Variants in NEMP2 observed in about 807,000 individuals in gnomAD.
NEMP2 encodes the protein UPF0571 transmembrane protein.
A neutral mutation model predicts 54.2 loss-of-function variants in NEMP2; 53 were observed. The observed-to-expected ratio is 0.98, with a 90% CI of 0.78 to 1.23. The LOEUF is 1.23. Ranked by LOEUF, NEMP2 falls within the 50% of genes most tolerant of loss-of-function variation. The pLI is 0.00. For synonymous variants in NEMP2, 197 were observed against 190.3 expected (o/e 1.04, Z -0.29); for missense variants, 455 against 511.3 (o/e 0.89, Z 1.06).
chr2:190,473,475 A>C, the NEMP2 span, among the ~76,000 whole-genome samples: 1 of 152,228 alleles, frequency 6.6e-6, no homozygotes, highest in South Asian at 2.1e-4. Flanking sequence ...GAGACAAAGA[A>C]GGCCATTACA....
At chr2:190,459,725 A>G in the NEMP2 span, among the ~76,000 whole-genome samples, 1 of 152,230 alleles carries the variant, frequency 6.6e-6, no homozygotes, top group Non-Finnish European at 1.5e-5. This position sits in a 1 kb window ranked among gnomAD's most constrained non-coding sequence, Gnocchi z 5.3. Context: ...TGGTGACCAT[A>G]GTTACACTCT....
Position 190,523,494 on chromosome 2 carries a change from G to A in NEMP2, c.213+1769C>T, listed in dbSNP as rs114876924. 0.017 allele frequency among the ~76,000 whole-genome samples: 2,518 copies of A among 152,212 alleles called. 71 individuals are homozygous for A. The highest frequency in any genetic ancestry group is 0.057 in the African/African-American group (2,366 of 41,522). On this transcript the variant is annotated intron_variant, in intron 2 of 8. Transcript: ENST00000409150. The surrounding 1 kb of genome is among the most constrained non-coding windows in gnomAD (Gnocchi z 5.3). ...TGGTATTGGAGATCTCAGAACTCAC[G>A]GTTTCTAATAGGTAGATATAGATGT...
chr2:190,432,420 GTTTTTGTTTT>G, the NEMP2 span, among the ~76,000 whole-genome samples: 2 of 152,062 alleles, frequency 1.3e-5, no homozygotes, highest in African/African-American at 4.8e-5. Flanking sequence ...TTTCTTGTTT[GTTTTTGTTTT>G]TTGAGACAGA....
chr2:190,553,999 G>A, the NEMP2 span, among the ~76,000 whole-genome samples: 3 of 152,196 alleles, frequency 2.0e-5, no homozygotes, highest in Non-Finnish European at 2.9e-5. Context: ...GGCAGTGGGT[G>A]CAGCCCAAGG....
the NEMP2 span, among the ~76,000 whole-genome samples, chr2:190,613,169 C>A: frequency 1.3e-5 from 2 of 152,096 alleles, no homozygotes; most frequent in Admixed American, 1.3e-4. Context: ...TATTCTTATT[C>A]ATTAACTAAG....
the NEMP2 span, among the ~76,000 whole-genome samples, chr2:190,647,061 T>C: frequency 1.3e-5 from 2 of 152,220 alleles, no homozygotes; most frequent in East Asian, 3.9e-4. Context: ...GTCTTTAACA[T>C]GACCATCTAA....
chr2:190,648,525 T>TTG, the NEMP2 span: 1 of 147,740 alleles, frequency 6.8e-6, no homozygotes, highest in Non-Finnish European at 1.5e-5. Context: ...TGTTTTTTTT[T>TTG]TTTTTTTTTT....
chr2:190,637,783 C>T, the NEMP2 span, among the ~76,000 whole-genome samples: 9 of 152,302 alleles, frequency 5.9e-5, no homozygotes, highest in Non-Finnish European at 8.8e-5. This position sits in a 1 kb window ranked among gnomAD's most constrained non-coding sequence, Gnocchi z 4.5. Flanking sequence ...ATGTGTATTC[C>T]GCTTTCTAGA....
the NEMP2 span, among the ~76,000 whole-genome samples, chr2:190,432,268 CTG>C: frequency 4.6e-5 from 7 of 152,214 alleles, no homozygotes; most frequent in Non-Finnish European, 8.8e-5. Flanking sequence ...TTGCCAGCCT[CTG>C]GGAACCTCCT....
chr2:190,584,931 GA>G, the NEMP2 span, among the ~76,000 whole-genome samples: 1 of 148,302 alleles, frequency 6.7e-6, no homozygotes, highest in Admixed American at 6.8e-5. The surrounding 1 kb of genome is among the most constrained non-coding windows in gnomAD (Gnocchi z 4.2). Context: ...AAGAAAGAAA[GA>G]AAGAAAGAAA....
the NEMP2 span, chr2:190,437,517 A>G: frequency 1.9e-6 from 3 of 1,614,128 alleles, no homozygotes; most frequent in South Asian, 1.1e-5. The surrounding 1 kb of genome is among the most constrained non-coding windows in gnomAD (Gnocchi z 5.9). Flanking sequence ...AGCTGACAGC[A>G]TATTTTTTTA....
intron 4 of NEMP2, among the ~76,000 whole-genome samples, chr2:190,518,119 T>C (rs1690627038): frequency 1.3e-5 from 2 of 152,290 alleles, no homozygotes; most frequent in East Asian, 3.9e-4. Context: ...ATGTTAAGAA[T>C]AGCTGACGAG....
rs1691078579 is a variant in NEMP2, at chr2:190,529,854, C to G, written c.98-4476G>C. 6.6e-6 allele frequency among the ~76,000 whole-genome samples: 1 copy of G among 152,170 alleles called. No individual in the cohort carries two copies. The highest frequency in any genetic ancestry group is 6.5e-5 in the Admixed American group (1 of 15,278). ...ATGCCCTTGCCAGCCTGTGCCACTG[C>G]CATCCCATTTACAGAACTGACAAAG... On this transcript the variant is annotated intron_variant, in intron 1 of 8. Coordinates refer to ENST00000409150, the MANE Select transcript of NEMP2 (RefSeq NM_001142645.2). The surrounding 1 kb of genome is among the most constrained non-coding windows in gnomAD (Gnocchi z 4.7).
chr2:190,467,746 G>GA, the NEMP2 span, among the ~76,000 whole-genome samples: 374 of 151,828 alleles, frequency 2.5e-3, 2 homozygotes, highest in African/African-American at 8.7e-3. This position sits in a 1 kb window ranked among gnomAD's most constrained non-coding sequence, Gnocchi z 5.5. Flanking sequence ...TTAAATGGTT[G>GA]AAAAAAAACA....
the NEMP2 span, among the ~76,000 whole-genome samples, chr2:190,588,468 C>T: frequency 9.9e-4 from 150 of 152,218 alleles, 1 homozygote; most frequent in South Asian, 1.7e-3. The surrounding 1 kb of genome is among the most constrained non-coding windows in gnomAD (Gnocchi z 5.0). Context: ...CCCAGTATGG[C>T]GGGGAATCTT....
chr2:190,426,924 G>A, the NEMP2 span, among the ~76,000 whole-genome samples: 1 of 152,238 alleles, frequency 6.6e-6, no homozygotes, highest in East Asian at 1.9e-4. This position sits in a 1 kb window ranked among gnomAD's most constrained non-coding sequence, Gnocchi z 4.7. Context: ...GCCAGCTGGA[G>A]GTAGAAGTCC....
At chr2:190,472,933 A>C in the NEMP2 span, among the ~76,000 whole-genome samples, 1 of 152,234 alleles carries the variant, frequency 6.6e-6, no homozygotes, top group Non-Finnish European at 1.5e-5. Flanking sequence ...GCCAATATTC[A>C]ACATTCTTAA....
chr2:190,610,205 T>A, the NEMP2 span: 1 of 152,230 alleles, frequency 6.6e-6, no homozygotes, highest in African/African-American at 2.4e-5. The surrounding 1 kb of genome is among the most constrained non-coding windows in gnomAD (Gnocchi z 5.4). Flanking sequence ...AGGACTGGTA[T>A]GCTTTATTAT....
At chr2:190,579,639 G>A in the NEMP2 span, among the ~76,000 whole-genome samples, 7 of 152,202 alleles carry the variant, frequency 4.6e-5, no homozygotes, top group African/African-American at 1.7e-4. Flanking sequence ...ACCTTTATTG[G>A]GCAACCAAGA....
Sources: gnomAD v4.1 joint callset for allele counts (sites outside exome capture counted in the v4.1 genomes callset) on GRCh38, gnomAD v4.1.1 for gene constraint, Gnocchi (gnomAD v3.1) non-coding constraint, MANE v1.5 for transcripts, NCBI Gene and HGNC (gene_info 2026-07-23, HGNC 2026-07-21) for gene names.